The following ITGA1 variants were observed in gnomAD, a reference collection of about 807,000 sequenced individuals.
The protein encoded by ITGA1 is integrin alpha-1.
Under a neutral mutation model 145.9 loss-of-function variants are expected in ITGA1, and 85 were observed. That is an observed-to-expected ratio of 0.58 (90% CI 0.49 to 0.70). The LOEUF (loss-of-function observed/expected upper bound fraction) is 0.70. Ranked by LOEUF, ITGA1 falls within the 30% of genes least tolerant of loss-of-function variation. The pLI is 0.00. For missense variants in ITGA1, 1,351 were observed against 1,418.7 expected (o/e 0.95, Z 0.77); for synonymous variants, 520 against 495.3 (o/e 1.05, Z -0.66).
At chr5:52,872,616 T>G (rs1749795434) in intron 6 of ITGA1, among the ~76,000 whole-genome samples, 1 of 135,528 alleles carries the variant, frequency 7.4e-6, no homozygotes, top group East Asian at 2.4e-4. Context: ...GATGGAGTTT[T>G]GCTCCGATCT....
chr5:52,834,564 AAG>A (rs894825548), intron 1 of ITGA1, among the ~76,000 whole-genome samples: 3 of 150,328 alleles, frequency 2.0e-5, no homozygotes, highest in South Asian at 2.1e-4. Context: ...GAGAGAGAGA[AAG>A]AGAGAAGAAA....
chr5:52,950,444 C>T (rs1332078452), intron 28 of ITGA1, among the ~76,000 whole-genome samples: 1 of 152,174 alleles, frequency 6.6e-6, no homozygotes, highest in Non-Finnish European at 1.5e-5. Context: ...TAAGCACTTA[C>T]TTTTCTGACA....
At chr5:52,907,404 A>G (rs1215747352) in intron 12 of ITGA1, among the ~76,000 whole-genome samples, 1 of 152,214 alleles carries the variant, frequency 6.6e-6, no homozygotes, top group Non-Finnish European at 1.5e-5. Flanking sequence ...ATTTTAGATG[A>G]CGTCTTTGAT....
In ITGA1 at chr5:52,865,012, T is replaced by C; in HGVS notation, c.426T>C (p.His142=). Residue 142 remains histidine, a synonymous_variant, in exon 5 of 29, where the codon CAT becomes CAC. Transcript: ENST00000282588. ...PLYAYRCGHL[H]YTTGICSDVS... ...ATGCCTATAGATGTGGACATTTGCA[T>C]TACACAACTGGAATCTGTTCTGACG... 2 of 1,613,880 alleles carry C rather than the reference T, an allele frequency of 1.2e-6. No homozygotes were observed. Among genetic ancestry groups the C allele is most frequent in the Middle Eastern group, 3.3e-4 (2 of 6,056 alleles).
rs1580015292 is a variant in ITGA1 at position 52,788,057 on chromosome 5, G to C, written c.-297G>C. Reference sequence around the variant, plus strand: ...CGGACCCGCGAAGCTGGCTTTATTTGTCCATGTCTCGGACAGAGCCTGGGA... The same window carrying C: ...CGGACCCGCGAAGCTGGCTTTATTTCTCCATGTCTCGGACAGAGCCTGGGA... On this transcript the variant is annotated 5_prime_UTR_variant, in exon 1 of 29. Coordinates refer to ENST00000282588, the MANE Select transcript of ITGA1 (RefSeq NM_181501.2). 2.7e-6 allele frequency: 1 copy of C among 364,856 alleles called. No individual in the cohort carries two copies. Among genetic ancestry groups the C allele is most frequent in the East Asian group, 4.3e-5 (1 of 23,192 alleles). The allele number at this position is 364,856 out of a possible 1,614,324, so 22.6% of individuals were successfully genotyped here.
At chr5:52,801,928 A>T in intron 1 of ITGA1, 2 of 1,030,380 alleles carry the variant, frequency 1.9e-6, no homozygotes, top group South Asian at 3.4e-5. Context: ...AAGCTGCAAG[A>T]ATGGCACTTT....
At chr5:52,926,108 TTAA>T (rs1333024888) in intron 19 of ITGA1, among the ~76,000 whole-genome samples, 1 of 152,064 alleles carries the variant, frequency 6.6e-6, no homozygotes, top group Non-Finnish European at 1.5e-5. Context: ...TTTATATTAA[TTAA>T]TATTACATAC....
intron 1 of ITGA1, among the ~76,000 whole-genome samples, chr5:52,805,120 T>C (rs1265025069): frequency 6.6e-6 from 1 of 152,108 alleles, no homozygotes; most frequent in Non-Finnish European, 1.5e-5. Flanking sequence ...AGAAACTTTA[T>C]AGAGCAAGGA....
intron 1 of ITGA1, chr5:52,801,460 C>T: frequency 1.2e-6 from 2 of 1,614,024 alleles, no homozygotes; most frequent in Non-Finnish European, 1.7e-6. Flanking sequence ...CCTTTGTGAC[C>T]CTACTGTGGC....
At chr5:52,832,071 A>G (rs1232276756) in intron 1 of ITGA1, among the ~76,000 whole-genome samples, 2 of 152,106 alleles carry the variant, frequency 1.3e-5, no homozygotes, top group African/African-American at 2.4e-5. Flanking sequence ...ACCCAATCTC[A>G]GTTCCCTTCT....
chr5:52,805,266 T>G (rs979103024), intron 1 of ITGA1, among the ~76,000 whole-genome samples: 3 of 152,092 alleles, frequency 2.0e-5, no homozygotes, highest in Admixed American at 6.6e-5. Flanking sequence ...GGAGAAACAA[T>G]TACAAAGCTG....
At chr5:52,912,846 A>G (rs1579716367) in intron 14 of ITGA1, among the ~76,000 whole-genome samples, 2 of 151,440 alleles carry the variant, frequency 1.3e-5, no homozygotes, top group East Asian at 1.9e-4. Flanking sequence ...TCCCAGGTTC[A>G]CACCATTCTC....
At chr5:52,818,424 A>G (rs151062381) in intron 1 of ITGA1, among the ~76,000 whole-genome samples, 1 of 152,224 alleles carries the variant, frequency 6.6e-6, no homozygotes, top group South Asian at 2.1e-4. Context: ...TGGCCAAGAC[A>G]GGATATTCTG....
chr5:52,896,530 T>C (rs1462368312), intron 9 of ITGA1, among the ~76,000 whole-genome samples: 1 of 152,198 alleles, frequency 6.6e-6, no homozygotes, highest in Non-Finnish European at 1.5e-5. Context: ...TTTATCCATG[T>C]AAATAACTAA....
At chr5:52,912,392 A>G (rs189070097) in intron 14 of ITGA1, among the ~76,000 whole-genome samples, 1 of 146,024 alleles carries the variant, frequency 6.8e-6, no homozygotes, top group African/African-American at 2.5e-5. Flanking sequence ...TATATAGTGT[A>G]TCCAGTGTAT....
rs140422359 is a variant in ITGA1, at chr5:52,842,000, C to T, written c.62-7365C>T. Among the ~76,000 whole-genome samples, 69 of 152,250 alleles carry T rather than the reference C, an allele frequency of 4.5e-4. 1 individual carries two copies. The highest frequency in any genetic ancestry group is 9.8e-4 in the Admixed American group (15 of 15,280). On this transcript the variant is annotated intron_variant, in intron 1 of 28. Coordinates refer to ENST00000282588, the MANE Select transcript of ITGA1 (RefSeq NM_181501.2). ...AGCTCATACTTTCTAGATATGCTGT[C>T]TGATTCTCAGGTGGTTCAGGTCGGT...
At chr5:52,939,817 T>C (rs1273881983) in intron 25 of ITGA1, 23 bp from the exon 26 acceptor site, 6 of 1,496,174 alleles carry the variant, frequency 4.0e-6, no homozygotes, top group African/African-American at 1.4e-5. Context: ...AATACTGATA[T>C]GTATCTCTGG....
intron 28 of ITGA1, among the ~76,000 whole-genome samples, chr5:52,948,150 C>CTTTATTT (rs1751162455): frequency 1.3e-5 from 2 of 152,256 alleles, no homozygotes; most frequent in South Asian, 4.1e-4. Flanking sequence ...TTTTAAAACT[C>CTTTATTT]TTAGCAGCTG....
At chr5:52,843,605 T>C (rs1316288937) in intron 1 of ITGA1, among the ~76,000 whole-genome samples, 1 of 152,170 alleles carries the variant, frequency 6.6e-6, no homozygotes, top group Non-Finnish European at 1.5e-5. Flanking sequence ...GTCACCTCCA[T>C]TTATCCTTTT....
Sources: allele counts gnomAD v4.1 joint callset (sites outside exome capture counted in the v4.1 genomes callset), GRCh38; gene constraint gnomAD v4.1.1; transcripts MANE v1.5; gene names NCBI Gene and HGNC (gene_info 2026-07-23, HGNC 2026-07-21).